DAB1: variants seen among roughly 807,000 people sequenced by gnomAD.
DAB1 encodes the protein DAB adaptor protein 1.
A neutral mutation model predicts 64.6 loss-of-function variants in DAB1; 15 were observed. The ratio of observed to expected loss-of-function variants is 0.23; its 90% confidence interval spans 0.16 to 0.36. DAB1 has a LOEUF of 0.36. Ranked by LOEUF, DAB1 falls within the 10% of genes least tolerant of loss-of-function variation. The pLI is 1.00. For synonymous variants in DAB1, 235 were observed against 251.9 expected (o/e 0.93, Z 0.64); for missense variants, 596 against 706.7 (o/e 0.84, Z 1.78).
At chr1:57,518,931 C>T (rs1213064509) in intron 7 of DAB1, among the ~76,000 whole-genome samples, 1 of 152,160 alleles carries the variant, frequency 6.6e-6, no homozygotes, top group Non-Finnish European at 1.5e-5. Flanking sequence ...GGAGTCAATG[C>T]TGTCTCTGAA....
intron 5 of DAB1, among the ~76,000 whole-genome samples, chr1:58,036,965 A>G (rs1268356596): frequency 6.6e-6 from 1 of 152,218 alleles, no homozygotes; most frequent in Non-Finnish European, 1.5e-5. Flanking sequence ...CTTCTAGTCA[A>G]TGGAATATGA....
intron 4 of DAB1, among the ~76,000 whole-genome samples, chr1:58,281,271 C>T (rs376991998): frequency 3.9e-5 from 6 of 152,152 alleles, no homozygotes. Context: ...GTGGGGAGCC[C>T]CCACCCCCAC....
rs148401767 is a variant in DAB1 at position 57,495,375 on chromosome 1, T to C, written n.625+154217A>G. Among the ~76,000 whole-genome samples the C allele has an allele frequency of 4.6e-5, 7 of 152,336 alleles. No homozygotes were observed. The East Asian group carries it at 1.2e-3, about 25-fold the overall frequency. ...TCTTAGATGCATTTGTATCCAAATA[T>C]CATGCTGCACTGTTTCTGGGCTTTT... On this transcript the variant is annotated intron_variant and non_coding_transcript_variant, in intron 7 of 20. Coordinates refer to the DAB1 transcript ENST00000485760.
chr1:58,475,477 AACACAC>A (rs112408529), intron 3 of DAB1, among the ~76,000 whole-genome samples: 1 of 148,134 alleles, frequency 6.8e-6, no homozygotes, highest in Non-Finnish European at 1.5e-5. Context: ...AGGTTAATTA[AACACAC>A]ACACACACAC....
intron 2 of DAB1, among the ~76,000 whole-genome samples, chr1:58,518,919 G>A (rs1177094253): frequency 6.6e-6 from 1 of 152,136 alleles, no homozygotes; most frequent in African/African-American, 2.4e-5. Flanking sequence ...GATGAGAAAA[G>A]TTGAGGCACA....
chr1:58,030,103 G>C (rs929261733), intron 5 of DAB1, among the ~76,000 whole-genome samples: 3 of 152,080 alleles, frequency 2.0e-5, no homozygotes, highest in African/African-American at 7.2e-5. Context: ...CTACTCGGGA[G>C]GCTGAGGCAG....
intron 4 of DAB1, among the ~76,000 whole-genome samples, chr1:57,131,880 G>C (rs771234521): frequency 6.6e-6 from 1 of 151,952 alleles, no homozygotes; most frequent in African/African-American, 2.4e-5. Context: ...AAGTATTAGC[G>C]GGCACCAGCT....
Position 57,701,688 on chromosome 1 carries a change from TATA to T in DAB1, n.552-52026_552-52024del, listed in dbSNP as rs375526893. ...TGCATATGTACCCTAAAACTTAAAG[TATA>T]ATAATAATAATAAAATAAAAAAAGA... On this transcript the variant is annotated intron_variant and non_coding_transcript_variant, in intron 6 of 20. Coordinates refer to the DAB1 transcript ENST00000485760. Among the ~76,000 whole-genome samples the T allele has an allele frequency of 2.2e-3, 327 of 151,514 alleles. 1 individual carries two copies. The highest frequency in any genetic ancestry group is 7.2e-3 in the African/African-American group (297 of 41,290).
At chr1:58,303,412 C>T (rs1662220980) in intron 4 of DAB1, among the ~76,000 whole-genome samples, 1 of 152,148 alleles carries the variant, frequency 6.6e-6, no homozygotes, top group South Asian at 2.1e-4. Flanking sequence ...TTCCCAGACC[C>T]TGACTGATAC....
chr1:57,293,486 G>A (rs1213228881), intron 1 of DAB1, among the ~76,000 whole-genome samples: 3 of 152,150 alleles, frequency 2.0e-5, no homozygotes, highest in Admixed American at 6.5e-5. Context: ...GATCACACAC[G>A]TAATGTGATT....
At chr1:57,250,825 G>T (rs1349866186) in intron 2 of DAB1, among the ~76,000 whole-genome samples, 1 of 151,948 alleles carries the variant, frequency 6.6e-6, no homozygotes, top group Non-Finnish European at 1.5e-5. Flanking sequence ...TTTTCAGAGG[G>T]GCTACTTTTA....
intron 5 of DAB1, among the ~76,000 whole-genome samples, chr1:58,071,211 T>C (rs1649223603): frequency 6.6e-6 from 1 of 152,194 alleles, no homozygotes; most frequent in Admixed American, 6.5e-5. Context: ...GTGTGTTGTA[T>C]TCTTGAAGAA....
intron 6 of DAB1, among the ~76,000 whole-genome samples, chr1:57,705,965 T>C (rs915328543): frequency 1.3e-4 from 20 of 151,764 alleles, no homozygotes; most frequent in African/African-American, 4.8e-4. Context: ...TCTTTTTGCA[T>C]CTTACTTTTT....
intron 9 of DAB1, among the ~76,000 whole-genome samples, chr1:57,047,602 G>A (rs1291730242): frequency 6.6e-6 from 1 of 152,140 alleles, no homozygotes; most frequent in Non-Finnish European, 1.5e-5. Context: ...ACTAGGAATG[G>A]AGTCCGCTAG....
At chr1:58,295,095 C>T (rs1400531957) in intron 4 of DAB1, among the ~76,000 whole-genome samples, 1 of 152,010 alleles carries the variant, frequency 6.6e-6, no homozygotes, top group African/African-American at 2.4e-5. Context: ...TTAGGTGCCT[C>T]CTCTGAAGAG....
In DAB1 at chr1:57,393,120, G is replaced by A. The variant is rs754255378; in HGVS notation, c.-137+30810C>T. Among the ~76,000 whole-genome samples the A allele has an allele frequency of 1.1e-4, 16 of 152,028 alleles. 1 individual carries two copies. Among genetic ancestry groups the A allele is most frequent in the Non-Finnish European group, 1.8e-4 (12 of 68,002 alleles). ...GTATACATTGTGGAATGGCTAAATC[G>A]AGCTATTTCCTCTCTGTGTGACCTG... On this transcript the variant is annotated intron_variant, in intron 1 of 14. Coordinates refer to ENST00000371236, the MANE Select transcript of DAB1 (RefSeq NM_001365792.1).
chr1:58,252,767 C>T (rs1660833631), intron 4 of DAB1, among the ~76,000 whole-genome samples: 1 of 152,198 alleles, frequency 6.6e-6, no homozygotes, highest in Non-Finnish European at 1.5e-5. Context: ...TCTTGACTTT[C>T]TCCTTCTCTA....
At position 58,261,220 on chromosome 1, in the gene DAB1, A is replaced by AT. The variant is rs1413586492; in HGVS notation, n.309+82131dup. ...ATTCAGTGAACCCCAAATAAATAGC[A>AT]TTTTTCCCTGCCTAGGTTTTGGAAA... is the stretch of plus-strand genomic sequence containing the variant. On this transcript the variant is annotated intron_variant and non_coding_transcript_variant, in intron 4 of 20. Transcript: ENST00000485760. Among the ~76,000 whole-genome samples, 14 of 152,264 alleles carry AT rather than the reference A, an allele frequency of 9.2e-5. 1 individual carries two copies. Among genetic ancestry groups the AT allele is most frequent in the Admixed American group, 5.9e-4 (9 of 15,290 alleles).
At chr1:58,162,832 C>T (rs1448391811) in intron 4 of DAB1, among the ~76,000 whole-genome samples, 1 of 152,074 alleles carries the variant, frequency 6.6e-6, no homozygotes, top group African/African-American at 2.4e-5. Context: ...ATTGCAGCTG[C>T]CAAAGTGAAG....
Sources: gnomAD v4.1 joint callset for allele counts (sites outside exome capture counted in the v4.1 genomes callset) on GRCh38, gnomAD v4.1.1 for gene constraint, MANE v1.5 for transcripts, NCBI Gene and HGNC (gene_info 2026-07-23, HGNC 2026-07-21) for gene names.